ZCCHC14: variants seen among roughly 807,000 people sequenced by gnomAD.
The protein encoded by ZCCHC14 is zinc finger CCHC domain-containing protein 14.
In ZCCHC14, 16 loss-of-function variants were observed where a neutral mutation model predicts 85.0. That is an observed-to-expected ratio of 0.19 (90% CI 0.13 to 0.29). The LOEUF (loss-of-function observed/expected upper bound fraction) is 0.29, where lower values mean the gene tolerates loss of function less well. Ranked by LOEUF, ZCCHC14 falls within the 10% of genes least tolerant of loss-of-function variation. The pLI is 1.00. For synonymous variants in ZCCHC14, 775 were observed against 630.7 expected, an observed-to-expected ratio of 1.23 and a Z score of -3.43; for missense variants, 1,303 against 1,443.5, an observed-to-expected ratio of 0.90 and a Z score of 1.58.
At chr16:87,446,072 C>T (rs1910420330) in intron 2 of ZCCHC14, among the ~76,000 whole-genome samples, 1 of 147,572 alleles carries the variant, frequency 6.8e-6, no homozygotes, top group Non-Finnish European at 1.5e-5. Context: ...GAGGCTAAGG[C>T]AGAAGAATCA....
rs534879306 is a variant in ZCCHC14 at position 87,460,101 on chromosome 16, T to C, written c.601A>G (p.Ser201Gly). The change falls in exon 2 of 13, where the codon AGT becomes GGT. Residue 201 changes from serine (S) to glycine (G), a missense_variant. Transcript: ENST00000671377. ...ITPRTEAPVSSVSNSLENALH... is the reference protein window; with the variant it reads ...ITPRTEAPVSGVSNSLENALH... Reference sequence around the variant, plus strand: ...GCATTCTCCAAACTATTACTGACACTGCTGACAGGGGCCTCAGTTCTTGGA... The same window carrying C: ...GCATTCTCCAAACTATTACTGACACCGCTGACAGGGGCCTCAGTTCTTGGA... 8.1e-6 allele frequency: 13 copies of C among 1,614,142 alleles called. No homozygotes were observed. Among genetic ancestry groups the C allele is most frequent in the Non-Finnish European group, 2.5e-6 (3 of 1,180,022 alleles).
intron 1 of ZCCHC14, among the ~76,000 whole-genome samples, chr16:87,485,084 G>A (rs1335070560): frequency 6.6e-6 from 1 of 152,172 alleles, no homozygotes; most frequent in East Asian, 1.9e-4. Context: ...CCGCCCCACT[G>A]GCAAGCTGCG....
At chr16:87,483,690 C>T (rs1200193089) in intron 1 of ZCCHC14, among the ~76,000 whole-genome samples, 1 of 152,194 alleles carries the variant, frequency 6.6e-6, no homozygotes, top group East Asian at 1.9e-4. Flanking sequence ...TGCTAACTCG[C>T]TGGGCTCGTT....
intron 2 of ZCCHC14, among the ~76,000 whole-genome samples, chr16:87,447,668 C>T (rs974975443): frequency 9.2e-5 from 14 of 152,220 alleles, no homozygotes; most frequent in Admixed American, 2.0e-4. Flanking sequence ...TATAAGCCTT[C>T]ATCTCCAAGT....
chr16:87,463,996 G>A (rs1320699356), intron 1 of ZCCHC14, among the ~76,000 whole-genome samples: 2 of 152,224 alleles, frequency 1.3e-5, no homozygotes, highest in Admixed American at 6.5e-5. Context: ...AGAGTGAGCT[G>A]CCTTGACAAC....
chr16:87,451,746 T>A (rs149767722), intron 2 of ZCCHC14, among the ~76,000 whole-genome samples: 3 of 152,242 alleles, frequency 2.0e-5, no homozygotes, highest in Non-Finnish European at 4.4e-5. Context: ...GCTGTTGTCA[T>A]TGGAGCGGAA....
In ZCCHC14 at chr16:87,460,069, G is replaced by A. The variant is rs2050893509; in HGVS notation, c.633C>T (p.His211=). The change falls in exon 2 of 13, where the codon CAC becomes CAT. Residue 211 remains histidine (H), a synonymous_variant. Coordinates refer to ENST00000671377, the MANE Select transcript of ZCCHC14 (RefSeq NM_015144.3). ...ACTCCTCCGTGGAATGTGCTGATGTGTGCAGGGCATTCTCCAAACTATTAC... is the reference window on the plus strand; with the variant it reads ...ACTCCTCCGTGGAATGTGCTGATGTATGCAGGGCATTCTCCAAACTATTAC... ...SVSNSLENAL[H]TSAHSTEESL... 1 of 1,614,190 alleles carries A rather than the reference G, an allele frequency of 6.2e-7. No individual in the cohort carries two copies. Among genetic ancestry groups the A allele is most frequent in the Middle Eastern group, 1.6e-4 (1 of 6,062 alleles).
rs1908249986 is a variant in ZCCHC14 at position 87,407,369 on chromosome 16, T to C, written c.*2911A>G. The C allele has an allele frequency of 6.6e-6, 1 of 152,266 alleles. No homozygotes were observed. Among genetic ancestry groups the C allele is most frequent in the Non-Finnish European group, 1.5e-5 (1 of 68,052 alleles). 9.4% of individuals were successfully genotyped at this position (152,266 alleles called of 1,614,324 possible). A position where few individuals can be genotyped will look rare whatever the true frequency, so the allele number is the denominator to read the frequency against. ...ATGCATTCAAGAAAATATTTTGTCTTTATTTTTATTACAAGTGCGCTAGCT... is the reference window on the plus strand; with the variant it reads ...ATGCATTCAAGAAAATATTTTGTCTCTATTTTTATTACAAGTGCGCTAGCT... On this transcript the variant is annotated 3_prime_UTR_variant, in exon 13 of 13. Transcript: ENST00000671377.
rs1283058081 is a variant in ZCCHC14 at position 87,407,659 on chromosome 16, T to A, written c.*2621A>T. Reference sequence around the variant, plus strand: ...CTACAAAGGGCAAAGACGTGGCACATGGCCAGTGCCACACCTACCTGGTTG... The same window carrying A: ...CTACAAAGGGCAAAGACGTGGCACAAGGCCAGTGCCACACCTACCTGGTTG... On this transcript the variant is annotated 3_prime_UTR_variant, in exon 13 of 13. Transcript: ENST00000671377. 1 of 152,214 alleles carries A rather than the reference T, an allele frequency of 6.6e-6. No individual in the cohort carries two copies. The highest frequency in any genetic ancestry group is 2.4e-5 in the African/African-American group (1 of 41,466). The allele number at this position is 152,214 out of a possible 1,614,324, so 9.4% of individuals were successfully genotyped here. A position where few individuals can be genotyped will look rare whatever the true frequency, so the allele number is the denominator to read the frequency against.
At chr16:87,441,538 C>T (rs563735293) in intron 2 of ZCCHC14, among the ~76,000 whole-genome samples, 2 of 152,296 alleles carry the variant, frequency 1.3e-5, no homozygotes, top group Non-Finnish European at 2.9e-5. Context: ...TCCTCTCCAA[C>T]ATAAACATAC....
intron 2 of ZCCHC14, among the ~76,000 whole-genome samples, chr16:87,450,896 C>T (rs1213394941): frequency 3.3e-5 from 5 of 151,276 alleles, no homozygotes; most frequent in Admixed American, 6.6e-5. Flanking sequence ...AAGTGAACAC[C>T]TTTTCCTTTT....
chr16:87,441,244 G>A lies in ZCCHC14; in HGVS notation c.695-8043C>T, dbSNP rs568062258. ...CCCGACCTCGTGATCCGCCCGCCTCGGCCTCCCAAAGTGCTGGGATTACAG... is the reference window on the plus strand; with the variant it reads ...CCCGACCTCGTGATCCGCCCGCCTCAGCCTCCCAAAGTGCTGGGATTACAG... On this transcript the variant is annotated intron_variant, in intron 2 of 12. Coordinates refer to ENST00000671377, the MANE Select transcript of ZCCHC14 (RefSeq NM_015144.3). Among the ~76,000 whole-genome samples the A allele has an allele frequency of 2.2e-4, 33 of 152,106 alleles. No homozygotes were observed. In the East Asian group the frequency reaches 4.8e-3, roughly 22 times the overall value.
chr16:87,467,493 T>C, intron 1 of ZCCHC14: 1 of 1,606,640 alleles, frequency 6.2e-7, no homozygotes, highest in Non-Finnish European at 8.5e-7. Context: ...GATGTACCAC[T>C]ATGACATGAA....
chr16:87,411,297 G>T, intron 12 of ZCCHC14: 1 of 1,393,194 alleles, frequency 7.2e-7, no homozygotes, highest in Non-Finnish European at 9.6e-7. Flanking sequence ...GCACCTTCTA[G>T]AACCAGAGGC....
chr16:87,466,480 C>T (rs763738963), intron 1 of ZCCHC14, among the ~76,000 whole-genome samples: 2 of 152,194 alleles, frequency 1.3e-5, no homozygotes, highest in Non-Finnish European at 2.9e-5. Flanking sequence ...GTGCCAGCGA[C>T]CTCTCTGGCA....
chr16:87,467,842 G>A (rs548133230), intron 1 of ZCCHC14, among the ~76,000 whole-genome samples: 8 of 152,114 alleles, frequency 5.3e-5, no homozygotes, highest in Non-Finnish European at 1.2e-4. Context: ...TAGTAGAGAC[G>A]GGGTTTCACC....
rs147135754 is a variant in ZCCHC14 at position 87,420,654 on chromosome 16, G to A, written c.903C>T (p.Asp301=). 8.1e-6 allele frequency: 13 copies of A among 1,613,818 alleles called. No homozygotes were observed. The highest frequency in any genetic ancestry group is 4.0e-5 in the African/African-American group (3 of 74,916). The change falls in exon 5 of 13, where the codon GAC becomes GAT. Residue 301 remains aspartate (D), a synonymous_variant. Coordinates refer to ENST00000671377, the MANE Select transcript of ZCCHC14 (RefSeq NM_015144.3). This position sits in a 1 kb window ranked among gnomAD's most constrained non-coding sequence, Gnocchi z 5.0. ...EKLIPCLAGP[D]AFYVERNHVD... ...CGTGGTTTCGCTCCACATAAAATGC[G>A]TCCGGACCAGCTAAGCAAGGAATGA...
At chr16:87,461,794 A>C (rs1185687451) in intron 1 of ZCCHC14, among the ~76,000 whole-genome samples, 1 of 152,192 alleles carries the variant, frequency 6.6e-6, no homozygotes, top group African/African-American at 2.4e-5. Context: ...CAGGGGCCAC[A>C]CCCAAGTCCA....
chr16:87,484,589 A>T (rs1485326738), intron 1 of ZCCHC14, among the ~76,000 whole-genome samples: 1 of 152,180 alleles, frequency 6.6e-6, no homozygotes, highest in African/African-American at 2.4e-5. Flanking sequence ...GTGAACATAT[A>T]TGTGCACAAA....
Sources: gnomAD v4.1 joint callset for allele counts (sites outside exome capture counted in the v4.1 genomes callset) on GRCh38, gnomAD v4.1.1 for gene constraint, Gnocchi (gnomAD v3.1) non-coding constraint, MANE v1.5 for transcripts, NCBI Gene and HGNC (gene_info 2026-07-23, HGNC 2026-07-21) for gene names.